The following ENTPD2 variants were observed in gnomAD, a reference collection of about 807,000 sequenced individuals.
ENTPD2 encodes ectonucleoside triphosphate diphosphohydrolase 2, also known as CD39 antigen-like 1.
A neutral mutation model predicts 46.8 loss-of-function variants in ENTPD2; 48 were observed. The observed-to-expected ratio is 1.03, with a 90% CI of 0.81 to 1.30. The LOEUF (loss-of-function observed/expected upper bound fraction) is 1.30. Ranked by LOEUF, ENTPD2 falls within the 50% of genes most tolerant of loss-of-function variation. The probability of loss-of-function intolerance (pLI) is 0.00; values close to 1 mark genes in which losing one functional copy is unlikely to be tolerated. For synonymous variants in ENTPD2, 316 were observed against 286.1 expected (o/e 1.10, Z -1.06); for missense variants, 707 against 651.1 (o/e 1.09, Z -0.93).
At position 137,048,927 on chromosome 9, in the gene ENTPD2, C is replaced by G. The variant is rs962388903; in HGVS notation, c.1284+14G>C. 2 of 1,505,230 alleles carry G rather than the reference C, an allele frequency of 1.3e-6. No individual in the cohort carries two copies. The highest frequency in any genetic ancestry group is 4.5e-5 in the Admixed American group (2 of 44,240). The allele number at this position is 1,505,230 out of a possible 1,614,324, so 93.2% of individuals were successfully genotyped here. On this transcript the variant is annotated intron_variant, in intron 8 of 8. Coordinates refer to ENST00000355097, the MANE Select transcript of ENTPD2 (RefSeq NM_203468.3). ...CCCGCAAGGTCGGCCCCGCCCCGCC[C>G]CGCCCCAGCCCACCTTCTTCTGGAA...
In ENTPD2 at chr9:137,051,383, G is replaced by C; in HGVS notation, c.387-13C>G. 2.6e-6 allele frequency: 4 copies of C among 1,544,258 alleles called. No individual in the cohort carries two copies. Among genetic ancestry groups the C allele is most frequent in the Non-Finnish European group, 3.5e-6 (4 of 1,143,908 alleles). The stretch of plus-strand genomic sequence containing the variant: ...TGGATTGGTCAGGCTGCAAAACACA[G>C]AGAACTCCAAGAGGCCTTCTCCCCA... On this transcript the variant is annotated splice_polypyrimidine_tract_variant and intron_variant, in intron 3 of 8. Transcript: ENST00000355097.
At chr9:137,050,073 A>C in intron 6 of ENTPD2, 84 bp from the exon 7 acceptor site, 1 of 1,527,108 alleles carries the variant, frequency 6.5e-7, no homozygotes. Flanking sequence ...CTCACGACAA[A>C]GTTCCCAGCC....
chr9:137,051,560 G>C lies in ENTPD2; in HGVS notation c.336C>G (p.His112Gln), dbSNP rs761745033. Reference sequence around the variant, plus strand: ...CTCCCAGGTAGAGGGGTGTGCCCGCGTGTCTCTCTTTGGGCACATCCTGAA... The same window carrying C: ...CTCCCAGGTAGAGGGGTGTGCCCGCCTGTCTCTCTTTGGGCACATCCTGAA... ...QALQDVPKER[H>Q]AGTPLYLGAT... The change falls in exon 3 of 9, where the codon CAC becomes CAG. Residue 112 changes from histidine (H) to glutamine (Q), a missense_variant. Coordinates refer to ENST00000355097, the MANE Select transcript of ENTPD2 (RefSeq NM_203468.3). The C allele has an allele frequency of 4.3e-6, 7 of 1,612,398 alleles. No individual in the cohort carries two copies. The highest frequency in any genetic ancestry group is 1.7e-5 in the Admixed American group (1 of 59,936).
In ENTPD2 at chr9:137,048,656, C is replaced by T. The variant is rs1238296289; in HGVS notation, c.*1G>A. On this transcript the variant is annotated 3_prime_UTR_variant, in exon 9 of 9. Coordinates refer to ENST00000355097, the MANE Select transcript of ENTPD2 (RefSeq NM_203468.3). ...GATGGGGCAGCTGCCCCCGTCGGCC[C>T]CTAAATGGTGCTTGGCAGCTTGGCG... 1.3e-6 allele frequency: 2 copies of T among 1,583,260 alleles called. No individual in the cohort carries two copies. The highest frequency in any genetic ancestry group is 1.8e-5 in the Admixed American group (1 of 55,902).
chr9:137,054,061 G>T lies in ENTPD2; in HGVS notation c.-64C>A. The stretch of plus-strand genomic sequence containing the variant: ...GAGAGTGCGGGGAGCCGGAGGCGGA[G>T]GCGGGCGGGGCCGCGGGACCGCGGG... On this transcript the variant is annotated 5_prime_UTR_variant, in exon 1 of 9. Transcript: ENST00000355097. 9.1e-7 allele frequency: 1 copy of T among 1,102,496 alleles called. No homozygotes were observed. The highest frequency in any genetic ancestry group is 1.6e-5 in the African/African-American group (1 of 60,892). The allele number at this position is 1,102,496 out of a possible 1,614,324, so 68.3% of individuals were successfully genotyped here.
At chr9:137,049,814 G>A (rs905570321) in intron 7 of ENTPD2, 56 bp downstream of exon 7, 125 of 1,553,100 alleles carry the variant, frequency 8.0e-5, no homozygotes, top group Non-Finnish European at 1.1e-4. Context: ...GGAGGCATGC[G>A]GAGGCGGAGG....
rs929619860 is a variant in ENTPD2, at chr9:137,048,368, G to A, written c.*289C>T. The A allele has an allele frequency of 2.6e-6, 1 of 384,606 alleles. No homozygotes were observed. The highest frequency in any genetic ancestry group is 4.7e-6 in the Non-Finnish European group (1 of 211,952). 23.8% of individuals were successfully genotyped at this position (384,606 alleles called of 1,614,324 possible). The stretch of plus-strand genomic sequence containing the variant: ...GATTGAGCGCTCTTTGCCCACCCAG[G>A]CTCCTGTGGGTACCAGAGTCTCAGT... On this transcript the variant is annotated 3_prime_UTR_variant, in exon 9 of 9. Coordinates refer to ENST00000355097, the MANE Select transcript of ENTPD2 (RefSeq NM_203468.3).
At chr9:137,052,381 T>C in intron 1 of ENTPD2, 33 bp from the exon 2 acceptor site, 1 of 1,359,954 alleles carries the variant, frequency 7.4e-7, no homozygotes, top group Non-Finnish European at 1.0e-6. Context: ...CAGCCTGGGG[T>C]GTCCGGGGGC....
intron 5 of ENTPD2, 128 bp downstream of exon 5, chr9:137,050,774 G>A: frequency 7.6e-7 from 1 of 1,324,342 alleles, no homozygotes; most frequent in Non-Finnish European, 1.0e-6. Context: ...CTCATGCTCT[G>A]ACCCTCCCAC....
At position 137,051,290 on chromosome 9, in the gene ENTPD2, C is replaced by A. The variant is rs767588454; in HGVS notation, c.467G>T (p.Gly156Val). 6 of 1,610,008 alleles carry A rather than the reference C, an allele frequency of 3.7e-6. No individual in the cohort carries two copies. In the African/African-American group the frequency reaches 5.3e-5, roughly 14 times the overall value. ...TLTQYPFDFR[G>V]ARILSGQEEG... ...TTCCTGGCCCGAGAGGATGCGTGCA[C>A]CCCGGAAGTCAAAGGGGTACTGGGT... The change falls in exon 4 of 9, where the codon GGT becomes GTT. Residue 156 changes from glycine to valine, a missense_variant. Transcript: ENST00000355097.
chr9:137,049,133 G>C, intron 7 of ENTPD2, 58 bp from the exon 8 acceptor site: 3 of 1,532,264 alleles, frequency 2.0e-6, no homozygotes, highest in Non-Finnish European at 2.6e-6. Flanking sequence ...TCGGCCCCAC[G>C]GGGAGAGGGG....
intron 1 of ENTPD2, 65 bp downstream of exon 1, chr9:137,053,816 C>A (rs1832348405): frequency 2.8e-6 from 3 of 1,086,694 alleles, no homozygotes; most frequent in Non-Finnish European, 3.5e-6. Context: ...CCAGCCGCAC[C>A]CCCTCCCCGG....
In ENTPD2 at chr9:137,051,622, C is replaced by T; in HGVS notation, c.274G>A (p.Ala92Thr). Reference protein sequence around the residue: ...ISSYADNPSGASQSLVGCLEQ... With the variant: ...ISSYADNPSGTSQSLVGCLEQ... ...AGGCATCCAACAAGACTCTGGCTGG[C>T]CCCAGAAGGGTTGTCTGCATAGCTG... Residue 92 changes from alanine to threonine, a missense_variant, in exon 3 of 9, where the codon GCC becomes ACC. Ala to Thr is a moderately conservative substitution (Grantham distance 58). Coordinates refer to ENST00000355097, the MANE Select transcript of ENTPD2 (RefSeq NM_203468.3). 1 of 1,612,566 alleles carries T rather than the reference C, an allele frequency of 6.2e-7. No individual in the cohort carries two copies. The highest frequency in any genetic ancestry group is 8.5e-7 in the Non-Finnish European group (1 of 1,179,834).
In ENTPD2 at chr9:137,048,467, G is replaced by A. The variant is rs1050950119; in HGVS notation, c.*190C>T. The A allele has an allele frequency of 1.5e-5, 8 of 550,462 alleles. No individual in the cohort carries two copies. Among genetic ancestry groups the A allele is most frequent in the Non-Finnish European group, 9.6e-6 (3 of 313,718 alleles). 34.1% of individuals were successfully genotyped at this position (550,462 alleles called of 1,614,324 possible). A position where few individuals can be genotyped will look rare whatever the true frequency, so the allele number is the denominator to read the frequency against. On this transcript the variant is annotated 3_prime_UTR_variant, in exon 9 of 9. Transcript: ENST00000355097. Reference sequence around the variant, plus strand: ...GAAGGATGGAGAAGACAGTGGTGGGGTGGAGCGGTGGGGGATAGAGGGTGG... The same window carrying A: ...GAAGGATGGAGAAGACAGTGGTGGGATGGAGCGGTGGGGGATAGAGGGTGG...
chr9:137,049,284 G>A (rs777223526), intron 7 of ENTPD2: 1 of 859,942 alleles, frequency 1.2e-6, no homozygotes, highest in South Asian at 1.4e-5. Flanking sequence ...TCCCCAGCCA[G>A]CGCCCATGCC....
chr9:137,052,418 G>A (rs989110784), intron 1 of ENTPD2, 70 bp from the exon 2 acceptor site: 45 of 1,305,008 alleles, frequency 3.4e-5, no homozygotes, highest in Non-Finnish European at 4.7e-5. Context: ...CAAACGTGAA[G>A]TTGGGTTCCT....
chr9:137,053,246 C>T (rs377679246), intron 1 of ENTPD2: 1 of 152,434 alleles, frequency 6.6e-6, no homozygotes, highest in East Asian at 1.9e-4. Context: ...ACCCCACCCC[C>T]CTACAAGCCC....
rs368515415 is a variant in ENTPD2 at position 137,050,458 on chromosome 9, G to A, written c.855C>T (p.Thr285=). Residue 285 remains threonine (T), a synonymous_variant, in exon 6 of 9, where the codon ACC becomes ACT. Transcript: ENST00000355097. ...TGAAGTTCTGGGGCCGCTGGGCCAT[G>A]GTGCATGGTGACTGGTACACATCCC... ...LLGDVYQSPC[T]MAQRPQNFNS... is the part of the protein sequence containing the mutation. 1.2e-6 allele frequency: 2 copies of A among 1,612,792 alleles called. No homozygotes were observed. The highest frequency in any genetic ancestry group is 2.7e-5 in the African/African-American group (2 of 74,936).
In ENTPD2 at chr9:137,048,827, A is replaced by G. The variant is rs771167638; in HGVS notation, c.1318T>C (p.Tyr440His). The stretch of plus-strand genomic sequence containing the variant: ...ATCAGGTTGGTCAGGTTCAGCATGT[A>G]GCCGAGCGCCCAGCCCACTGCAGTG... ...ADTAVGWALG[Y>H]MLNLTNLIPA... The change falls in exon 9 of 9, where the codon TAC becomes CAC. Residue 440 changes from tyrosine to histidine, a missense_variant. Coordinates refer to ENST00000355097, the MANE Select transcript of ENTPD2 (RefSeq NM_203468.3). 6.4e-7 allele frequency: 1 copy of G among 1,562,350 alleles called. No homozygotes were observed. The highest frequency in any genetic ancestry group is 8.7e-7 in the Non-Finnish European group (1 of 1,153,640).
Sources: gnomAD v4.1 joint callset for allele counts on GRCh38, gnomAD v4.1.1 for gene constraint, MANE v1.5 for transcripts, NCBI Gene and HGNC (gene_info 2026-07-23, HGNC 2026-07-21) for gene names.